Variants in BNIP3 observed in about 807,000 individuals in gnomAD.
BNIP3 encodes the protein BCL2/adenovirus E1B 19 kDa protein-interacting protein 3.
Under a neutral mutation model 23.9 loss-of-function variants are expected in BNIP3, and 16 were observed. That is an observed-to-expected ratio of 0.67 (90% CI 0.45 to 1.01). The LOEUF (loss-of-function observed/expected upper bound fraction) is 1.01. Ranked by LOEUF, BNIP3 falls within the 50% of genes least tolerant of loss-of-function variation. The pLI is 0.00. For missense variants in BNIP3, 198 were observed against 248.7 expected, an observed-to-expected ratio of 0.80 and a Z score of 1.37; for synonymous variants, 81 against 89.3, an observed-to-expected ratio of 0.91 and a Z score of 0.53.
At chr10:131,971,911 G>A (rs2037037051) in intron 3 of BNIP3, among the ~76,000 whole-genome samples, 1 of 152,226 alleles carries the variant, frequency 6.6e-6, no homozygotes, top group African/African-American at 2.4e-5. Flanking sequence ...AGCCTTGAGG[G>A]AAGCGCTAGC....
chr10:131,973,710 G>A, intron 2 of BNIP3, 83 bp downstream of exon 2: 1 of 1,568,842 alleles, frequency 6.4e-7, no homozygotes, highest in South Asian at 1.2e-5. Context: ...TGTCCTAGAG[G>A]TGACACGGGC....
intron 5 of BNIP3, 189 bp from the exon 6 acceptor site, chr10:131,968,758 G>A (rs1199049724): frequency 5.9e-6 from 3 of 511,468 alleles, no homozygotes; most frequent in East Asian, 3.1e-5. Context: ...TATGTATTTT[G>A]TATTAATTAA....
chr10:131,972,761 T>C (rs971046743), intron 3 of BNIP3, among the ~76,000 whole-genome samples: 25 of 152,328 alleles, frequency 1.6e-4, no homozygotes, highest in African/African-American at 5.8e-4. Context: ...CTTTCCGGTG[T>C]ATCCCTGATG....
intron 5 of BNIP3, chr10:131,968,932 C>G: frequency 5.4e-6 from 1 of 186,660 alleles, no homozygotes; most frequent in South Asian, 1.1e-4. Flanking sequence ...CCAAAGCCAA[C>G]TGCTTAAAAA....
chr10:131,977,286 G>A (rs1468049175), intron 1 of BNIP3, among the ~76,000 whole-genome samples: 1 of 151,922 alleles, frequency 6.6e-6, no homozygotes, highest in Non-Finnish European at 1.5e-5. Flanking sequence ...AAAAAAAAAA[G>A]ACACTGCTCA....
At chr10:131,972,892 T>G in intron 3 of BNIP3, 142 bp downstream of exon 3, 1 of 772,788 alleles carries the variant, frequency 1.3e-6, no homozygotes. Flanking sequence ...GGTTTTTTTG[T>G]TTCGCTTTTT....
rs563600175 is a variant in BNIP3, at chr10:131,970,710, A to G, written c.467T>C (p.Ile156Thr). 6.2e-7 allele frequency: 1 copy of G among 1,614,228 alleles called. No homozygotes were observed. Among genetic ancestry groups the G allele is most frequent in the African/African-American group, 1.3e-5 (1 of 75,060 alleles). The change falls in exon 5 of 6, where the codon ATA becomes ACA. Residue 156 changes from isoleucine to threonine, a missense_variant. Coordinates refer to ENST00000368636, the MANE Select transcript of BNIP3 (RefSeq NM_004052.4). This position sits in a 1 kb window ranked among gnomAD's most constrained non-coding sequence, Gnocchi z 4.1. The stretch of plus-strand genomic sequence containing the variant: ...AACTTTCAGAAATTCTGCAGAGAAT[A>G]TGCCCCCTTTCTTCATGACGCTCGT... ...RNTSVMKKGG[I>T]FSAEFLKVFL...
In BNIP3 at chr10:131,970,754, G is replaced by A; in HGVS notation, c.423C>T (p.Ala141=). 1.9e-6 allele frequency: 3 copies of A among 1,614,202 alleles called. No homozygotes were observed. The highest frequency in any genetic ancestry group is 2.5e-6 in the Non-Finnish European group (3 of 1,180,040). ...CGCTCGTGTTCCTCATGCTGAGGGTGGCCGTGCGCTTCGGGTGTTTAAAGA... is the reference window on the plus strand; with the variant it reads ...CGCTCGTGTTCCTCATGCTGAGGGTAGCCGTGCGCTTCGGGTGTTTAAAGA... ...EFLFKHPKRT[A]TLSMRNTSVM... is the part of the protein sequence containing the mutation. Residue 141 remains alanine (A), a synonymous_variant, in exon 5 of 6, where the codon GCC becomes GCT. Coordinates refer to ENST00000368636, the MANE Select transcript of BNIP3 (RefSeq NM_004052.4). The surrounding 1 kb of genome is among the most constrained non-coding windows in gnomAD (Gnocchi z 4.1).
At chr10:131,981,602 C>T (rs948308428) in intron 1 of BNIP3, among the ~76,000 whole-genome samples, 159 bp downstream of exon 1, 8 of 152,226 alleles carry the variant, frequency 5.3e-5, no homozygotes, top group Non-Finnish European at 1.2e-4. Flanking sequence ...TCCGCATGCC[C>T]GCAGGAGGGG....
intron 3 of BNIP3, 136 bp from the exon 4 acceptor site, chr10:131,971,106 G>A (rs1589975674): frequency 2.5e-6 from 2 of 793,560 alleles, no homozygotes; most frequent in East Asian, 5.3e-5. Flanking sequence ...TCGGACCGTG[G>A]TCCAAGGGGA....
chr10:131,978,490 A>G (rs1039650844), intron 1 of BNIP3, among the ~76,000 whole-genome samples: 6 of 151,776 alleles, frequency 4.0e-5, no homozygotes, highest in African/African-American at 9.7e-5. Context: ...TGCCCTCTGT[A>G]TGTCCCAGGG....
intron 1 of BNIP3, among the ~76,000 whole-genome samples, chr10:131,979,443 C>G (rs1016368820): frequency 3.3e-5 from 5 of 152,280 alleles, no homozygotes; most frequent in Admixed American, 3.3e-4. Flanking sequence ...CACGGCCCTC[C>G]AGAGTAAATG....
At chr10:131,972,615 G>A (rs997818309) in intron 3 of BNIP3, among the ~76,000 whole-genome samples, 1 of 152,156 alleles carries the variant, frequency 6.6e-6, no homozygotes, top group Non-Finnish European at 1.5e-5. Context: ...GTCCCACACA[G>A]CATGCAAATA....
rs767977393 is a variant in BNIP3, at chr10:131,970,767, G to C, written c.410C>G (p.Pro137Arg). The change falls in exon 5 of 6, where the codon CCG becomes CGG. Residue 137 changes from proline to arginine, a missense_variant. By Grantham distance (103) the Pro-to-Arg change is moderately radical. Transcript: ENST00000368636. This position sits in a 1 kb window ranked among gnomAD's most constrained non-coding sequence, Gnocchi z 4.1. ...IPPKEFLFKH[P>R]KRTATLSMRN... ...CATGCTGAGGGTGGCCGTGCGCTTC[G>C]GGTGTTTAAAGAGGAACTCCCTGAG... 7 of 1,614,188 alleles carry C rather than the reference G, an allele frequency of 4.3e-6. No homozygotes were observed. Among genetic ancestry groups the C allele is most frequent in the South Asian group, 1.1e-5 (1 of 91,090 alleles).
intron 1 of BNIP3, among the ~76,000 whole-genome samples, chr10:131,979,602 G>T (rs947048256): frequency 5.3e-5 from 8 of 152,270 alleles, no homozygotes; most frequent in African/African-American, 1.9e-4. Context: ...AAAGGGCCAA[G>T]TTCATGGCTA....
intron 1 of BNIP3, among the ~76,000 whole-genome samples, chr10:131,977,301 G>C (rs2037086129): frequency 6.6e-6 from 1 of 152,108 alleles, no homozygotes; most frequent in South Asian, 2.1e-4. Context: ...TGCTCAGGAA[G>C]CCCCAGGGGT....
Position 131,970,928 on chromosome 10 carries a change from T to G in BNIP3, c.325A>C (p.Ile109Leu). ...DIERRKEVES[I>L]LKKNSDWIWD... ...ATCCAATCTGAGTTTTTCTTCAAGATGCTTTCAACTTCTTTCCTTCTTTCA... is the reference window on the plus strand; with the variant it reads ...ATCCAATCTGAGTTTTTCTTCAAGAGGCTTTCAACTTCTTTCCTTCTTTCA... The change falls in exon 4 of 6, where the codon ATC (isoleucine) becomes CTC (leucine). Residue 109 changes from isoleucine (I) to leucine (L), a missense_variant. Ile to Leu is a conservative substitution (Grantham distance 5, BLOSUM62 2). Transcript: ENST00000368636. The surrounding 1 kb of genome is among the most constrained non-coding windows in gnomAD (Gnocchi z 4.1). 1 of 1,614,274 alleles carries G rather than the reference T, an allele frequency of 6.2e-7. No individual in the cohort carries two copies. Among genetic ancestry groups the G allele is most frequent in the Non-Finnish European group, 8.5e-7 (1 of 1,180,050 alleles).
rs2037020971 is a variant in BNIP3 at position 131,970,585 on chromosome 10, C to G, written c.539+53G>C. Reference sequence around the variant, plus strand: ...AGGTTACGAATAAATCACTGCAACCCAGAATCGCCCCACGACATGCCATGA... The same window carrying G: ...AGGTTACGAATAAATCACTGCAACCGAGAATCGCCCCACGACATGCCATGA... On this transcript the variant is annotated intron_variant, in intron 5 of 5. Coordinates refer to ENST00000368636, the MANE Select transcript of BNIP3 (RefSeq NM_004052.4). This position sits in a 1 kb window ranked among gnomAD's most constrained non-coding sequence, Gnocchi z 4.1. 6.3e-7 allele frequency: 1 copy of G among 1,590,698 alleles called. No homozygotes were observed. Among genetic ancestry groups the G allele is most frequent in the Non-Finnish European group, 8.6e-7 (1 of 1,167,662 alleles).
At chr10:131,980,938 TC>T (rs1254842217) in intron 1 of BNIP3, 6 of 151,766 alleles carry the variant, frequency 4.0e-5, no homozygotes, top group Non-Finnish European at 8.8e-5. Context: ...CAAAGGCTCG[TC>T]TGGACTCTGA....
Sources: gnomAD v4.1 joint callset for allele counts (sites outside exome capture counted in the v4.1 genomes callset) on GRCh38, gnomAD v4.1.1 for gene constraint, Gnocchi (gnomAD v3.1) non-coding constraint, MANE v1.5 for transcripts, NCBI Gene and HGNC (gene_info 2026-07-23, HGNC 2026-07-21) for gene names.